Variants in COL8A1 observed in about 807,000 individuals in gnomAD.
The protein encoded by COL8A1 is collagen type VIII alpha 1 chain.
In COL8A1, 21 loss-of-function variants were observed where a neutral mutation model predicts 42.7. That is an observed-to-expected ratio of 0.49 (90% confidence interval 0.35 to 0.71). COL8A1 has a LOEUF of 0.71. COL8A1 is among the 30% of genes least tolerant of loss of function. The pLI, the probability that COL8A1 is intolerant of heterozygous loss-of-function variation, is 0.01. For synonymous variants in COL8A1, 367 were observed against 369.1 expected (o/e 0.99, Z 0.06); for missense variants, 788 against 962.4 (o/e 0.82, Z 2.40).
intron 1 of COL8A1, among the ~76,000 whole-genome samples, chr3:99,690,745 T>C (rs1014930575): frequency 2.0e-5 from 3 of 152,226 alleles, no homozygotes; most frequent in Non-Finnish European, 4.4e-5. Context: ...AAACAATCTT[T>C]GTTGTAGCTG....
chr3:99,733,252 C>T (rs1018153219), intron 1 of COL8A1, among the ~76,000 whole-genome samples: 3 of 150,158 alleles, frequency 2.0e-5, no homozygotes, highest in Admixed American at 1.3e-4. Context: ...CACCCACTAA[C>T]TCATCATCTA....
intron 1 of COL8A1, among the ~76,000 whole-genome samples, chr3:99,683,920 C>A (rs1233601403): frequency 1.3e-5 from 2 of 152,168 alleles, no homozygotes; most frequent in African/African-American, 2.4e-5. Flanking sequence ...AAAAAAAAAC[C>A]AACATTTCAT....
intron 1 of COL8A1, among the ~76,000 whole-genome samples, chr3:99,669,146 T>TATATATATATAGAGAG: frequency 8.7e-6 from 1 of 115,362 alleles, no homozygotes; most frequent in African/African-American, 3.0e-5. Context: ...TATATATATA[T>TATATATATATAGAGAG]AGAGGGAGAG....
intron 1 of COL8A1, among the ~76,000 whole-genome samples, chr3:99,655,282 T>A (rs1937982110): frequency 6.6e-6 from 1 of 152,128 alleles, no homozygotes; most frequent in Non-Finnish European, 1.5e-5. Flanking sequence ...ACCCACTAGG[T>A]GCCAAAAAGC....
At chr3:99,722,885 G>T (rs1274471090) in intron 1 of COL8A1, among the ~76,000 whole-genome samples, 6 of 151,928 alleles carry the variant, frequency 3.9e-5, no homozygotes, top group Non-Finnish European at 7.4e-5. Context: ...TAGAGAAACA[G>T]AACACATTTA....
intron 2 of COL8A1, among the ~76,000 whole-genome samples, chr3:99,762,644 T>G (rs1028146118): frequency 6.6e-6 from 1 of 152,158 alleles, no homozygotes; most frequent in African/African-American, 2.4e-5. Context: ...CAAACAGCTG[T>G]TCCCTAGCCC....
chr3:99,728,762 TA>T (rs1363905569), intron 1 of COL8A1, among the ~76,000 whole-genome samples: 4 of 152,040 alleles, frequency 2.6e-5, no homozygotes, highest in Non-Finnish European at 5.9e-5. Context: ...GATAATTGAA[TA>T]CAAGTATCTC....
At chr3:99,653,962 TG>T (rs1158272124) in intron 1 of COL8A1, among the ~76,000 whole-genome samples, 1 of 152,092 alleles carries the variant, frequency 6.6e-6, no homozygotes, top group Non-Finnish European at 1.5e-5. Context: ...GTCTGCAAGC[TG>T]GGGAGCAAGG....
At chr3:99,662,584 T>C (rs1049264112) in intron 1 of COL8A1, among the ~76,000 whole-genome samples, 1 of 152,142 alleles carries the variant, frequency 6.6e-6, no homozygotes, top group Non-Finnish European at 1.5e-5. Flanking sequence ...TTCATAACAA[T>C]GTACTTATAA....
chr3:99,758,152 C>A (rs192955941), intron 2 of COL8A1, among the ~76,000 whole-genome samples: 1 of 152,122 alleles, frequency 6.6e-6, no homozygotes, highest in East Asian at 1.9e-4. Flanking sequence ...GAGCAGGAGC[C>A]CAAAGGAGGA....
chr3:99,712,771 T>A lies in COL8A1; in HGVS notation c.-128-32126T>A, dbSNP rs186602025. Among the ~76,000 whole-genome samples, 383 of 152,228 alleles carry A rather than the reference T, an allele frequency of 2.5e-3. 2 individuals carry two copies. Among genetic ancestry groups the A allele is most frequent in the Non-Finnish European group, 3.7e-3 (251 of 67,996 alleles). On this transcript the variant is annotated intron_variant, in intron 1 of 3. Transcript: ENST00000652472. The stretch of plus-strand genomic sequence containing the variant: ...AGTGGAGTGACTTATCACCCTGGCT[T>A]GCCCAGGTCTCTCCTTGTTTTATTG...
At chr3:99,777,924 G>C (rs906931642) in intron 2 of COL8A1, among the ~76,000 whole-genome samples, 1 of 152,166 alleles carries the variant, frequency 6.6e-6, no homozygotes, top group Non-Finnish European at 1.5e-5. Flanking sequence ...GGAAAGCAAA[G>C]AAAATAAGTC....
At chr3:99,655,118 C>T (rs377411879) in intron 1 of COL8A1, among the ~76,000 whole-genome samples, 2 of 152,092 alleles carry the variant, frequency 1.3e-5, no homozygotes, top group Non-Finnish European at 2.9e-5. Flanking sequence ...TGTGAAAACC[C>T]CTTTCTTCCT....
intron 2 of COL8A1, among the ~76,000 whole-genome samples, chr3:99,783,993 T>C (rs1453169525): frequency 1.3e-5 from 2 of 152,228 alleles, no homozygotes. Context: ...TACTTTAAGC[T>C]TGTATTCCTA....
chr3:99,733,460 C>T (rs1165728925), intron 1 of COL8A1, among the ~76,000 whole-genome samples: 1 of 147,034 alleles, frequency 6.8e-6, no homozygotes, highest in African/African-American at 2.5e-5. Context: ...CATCCATGTC[C>T]CTACAAAGGA....
At chr3:99,743,593 C>T (rs968183447) in intron 1 of COL8A1, among the ~76,000 whole-genome samples, 1 of 149,550 alleles carries the variant, frequency 6.7e-6, no homozygotes, top group African/African-American at 2.5e-5. Context: ...GAGCCACTAT[C>T]CACAGGTAAA....
intron 2 of COL8A1, among the ~76,000 whole-genome samples, chr3:99,774,284 T>A (rs1320093673): frequency 2.0e-5 from 3 of 151,696 alleles, no homozygotes; most frequent in Non-Finnish European, 4.4e-5. Context: ...TATCATTATA[T>A]GCCAAAAAAT....
intron 2 of COL8A1, among the ~76,000 whole-genome samples, chr3:99,776,018 A>G (rs1163745188): frequency 6.6e-6 from 1 of 152,164 alleles, no homozygotes; most frequent in African/African-American, 2.4e-5. Flanking sequence ...CAGCAGACCT[A>G]TGGAGGAGGT....
intron 1 of COL8A1, among the ~76,000 whole-genome samples, chr3:99,667,174 C>T (rs1938392223): frequency 6.6e-6 from 1 of 152,168 alleles, no homozygotes; most frequent in South Asian, 2.1e-4. Context: ...TTAACTCCTA[C>T]AGTTTCCTAT....
Sources: gnomAD v4.1 joint callset for allele counts (sites outside exome capture counted in the v4.1 genomes callset) on GRCh38, gnomAD v4.1.1 for gene constraint, MANE v1.5 for transcripts, NCBI Gene and HGNC (gene_info 2026-07-23, HGNC 2026-07-21) for gene names.